SPAG16: variants seen among roughly 807,000 people sequenced by gnomAD.
SPAG16 encodes the protein sperm-associated antigen 16 protein.
In SPAG16, 86 loss-of-function variants were observed where a neutral mutation model predicts 80.4. The ratio of observed to expected loss-of-function variants is 1.07; its 90% CI spans 0.90 to 1.28. The LOEUF is 1.28. Ranked by LOEUF, SPAG16 falls within the 50% of genes most tolerant of loss-of-function variation. The pLI is 0.00. For synonymous variants in SPAG16, 294 were observed against 265.9 expected (o/e 1.11, Z -1.03); for missense variants, 870 against 765.3 (o/e 1.14, Z -1.61).
chr2:214,108,152 C>G, intron 13 of SPAG16, 44 bp from the exon 14 acceptor site: 9 of 1,465,274 alleles, frequency 6.1e-6, no homozygotes, highest in Non-Finnish European at 8.4e-6. Flanking sequence ...TTTTTACGTT[C>G]CAAAAGAAAT....
At chr2:213,776,016 TAAAG>T (rs1442967417) in intron 10 of SPAG16, among the ~76,000 whole-genome samples, 3 of 152,220 alleles carry the variant, frequency 2.0e-5, no homozygotes, top group Non-Finnish European at 4.4e-5. Flanking sequence ...GTAAACTAGA[TAAAG>T]AAAGCATTAT....
At chr2:214,270,637 T>C (rs1691920626) in intron 15 of SPAG16, among the ~76,000 whole-genome samples, 1 of 152,190 alleles carries the variant, frequency 6.6e-6, no homozygotes, top group East Asian at 1.9e-4. Context: ...ACTCCTAGAA[T>C]ATCTCAACTT....
chr2:214,111,884 C>G (rs2053683010), intron 14 of SPAG16, among the ~76,000 whole-genome samples: 1 of 152,036 alleles, frequency 6.6e-6, no homozygotes, highest in Admixed American at 6.6e-5. Flanking sequence ...CTTTTTATAA[C>G]TATTGTGAAT....
chr2:213,704,306 A>G (rs2065640499), intron 10 of SPAG16, among the ~76,000 whole-genome samples: 1 of 152,234 alleles, frequency 6.6e-6, no homozygotes, highest in Non-Finnish European at 1.5e-5. Flanking sequence ...GCCAAAGTTT[A>G]TTAAGTGTTC....
chr2:213,868,420 A>G (rs2075794533), intron 11 of SPAG16, among the ~76,000 whole-genome samples: 1 of 152,132 alleles, frequency 6.6e-6, no homozygotes, highest in Non-Finnish European at 1.5e-5. Context: ...TTTTTGTCCC[A>G]TTTAGACCAG....
At chr2:213,892,528 G>A (rs562281144) in intron 11 of SPAG16, among the ~76,000 whole-genome samples, 12 of 151,998 alleles carry the variant, frequency 7.9e-5, no homozygotes, top group Non-Finnish European at 1.6e-4. Context: ...ATTCAAAATG[G>A]TAGTTTTAAG....
At position 213,313,899 on chromosome 2, in the gene SPAG16, T is replaced by C. The variant is rs528303816; in HGVS notation, c.399-3320T>C. ...TGTGTTGGTAATGTATTTCCCTAAA[T>C]CTTTATGAAAACATGGAGGAAAAGT... is the stretch of plus-strand genomic sequence containing the variant. On this transcript the variant is annotated intron_variant, in intron 4 of 15. Transcript: ENST00000331683. Among the ~76,000 whole-genome samples the C allele has an allele frequency of 2.6e-5, 4 of 151,988 alleles. No individual in the cohort carries two copies. The South Asian group carries it at 6.2e-4, about 24-fold the overall frequency.
rs1490201901 is a variant in SPAG16, at chr2:213,777,998, A to G, written c.1071-84487A>G. Among the ~76,000 whole-genome samples the G allele has an allele frequency of 2.0e-5, 3 of 152,284 alleles. No individual in the cohort carries two copies. The South Asian group carries it at 6.2e-4, about 32-fold the overall frequency. ...CTTTTAGTTTTGCTCTTGAGATTAT[A>G]ATAAATTTCTTAGGAAAGGTGCTAG... On this transcript the variant is annotated intron_variant, in intron 10 of 15. Coordinates refer to ENST00000331683, the MANE Select transcript of SPAG16 (RefSeq NM_024532.5).
intron 13 of SPAG16, among the ~76,000 whole-genome samples, chr2:214,072,739 AAGT>A (rs1163825726): frequency 6.6e-6 from 1 of 152,172 alleles, no homozygotes; most frequent in Non-Finnish European, 1.5e-5. Context: ...TTATCAGAAA[AAGT>A]AGAAGACAAT....
intron 15 of SPAG16, among the ~76,000 whole-genome samples, chr2:214,396,532 C>G (rs1238295986): frequency 6.6e-6 from 1 of 151,988 alleles, no homozygotes; most frequent in Admixed American, 6.6e-5. Flanking sequence ...AGAAAATAAT[C>G]TAATAAGCCC....
At chr2:214,304,385 G>A (rs11904795) in intron 15 of SPAG16, among the ~76,000 whole-genome samples, 94,819 of 152,070 alleles carry the variant, frequency 0.62, 29,913 homozygotes, top group South Asian at 0.7. Context: ...ACTTAAAGGC[G>A]TTCTTAAACC....
intron 10 of SPAG16, among the ~76,000 whole-genome samples, chr2:213,695,788 G>T (rs1477719424): frequency 1.3e-5 from 2 of 152,170 alleles, no homozygotes; most frequent in Non-Finnish European, 2.9e-5. Context: ...CAATGCACAT[G>T]CAGTTGAACA....
intron 9 of SPAG16, among the ~76,000 whole-genome samples, chr2:213,434,654 G>C (rs1346362914): frequency 6.6e-6 from 1 of 152,116 alleles, no homozygotes; most frequent in Non-Finnish European, 1.5e-5. Flanking sequence ...CAAATAAATA[G>C]ATATTTTTCA....
At chr2:213,510,046 C>A (rs1038288023) in intron 10 of SPAG16, among the ~76,000 whole-genome samples, 40 of 152,060 alleles carry the variant, frequency 2.6e-4, no homozygotes, top group African/African-American at 9.7e-4. Context: ...CACCTCTACA[C>A]AAATAAACTA....
chr2:213,579,565 T>C (rs980862876), intron 10 of SPAG16, among the ~76,000 whole-genome samples: 1 of 152,150 alleles, frequency 6.6e-6, no homozygotes, highest in Non-Finnish European at 1.5e-5. Flanking sequence ...AGGTTGTAGA[T>C]AGGATCCATT....
At chr2:214,227,610 G>C (rs1025092464) in intron 15 of SPAG16, among the ~76,000 whole-genome samples, 11 of 151,394 alleles carry the variant, frequency 7.3e-5, no homozygotes, top group African/African-American at 2.7e-4. Flanking sequence ...TCTCTTTTCT[G>C]CCATAGATGG....
chr2:214,128,920 G>C (rs572289532), intron 14 of SPAG16, among the ~76,000 whole-genome samples: 2 of 151,824 alleles, frequency 1.3e-5, no homozygotes, highest in East Asian at 3.9e-4. Context: ...CTACTAAAGC[G>C]GGGAAGTACC....
intron 9 of SPAG16, among the ~76,000 whole-genome samples, chr2:213,434,126 G>C (rs1451910949): frequency 1.3e-5 from 2 of 151,792 alleles, no homozygotes; most frequent in African/African-American, 4.8e-5. Context: ...CACCATGTTG[G>C]TCAGGCTGGT....
At chr2:213,858,263 A>C (rs2075263843) in intron 10 of SPAG16, among the ~76,000 whole-genome samples, 1 of 152,184 alleles carries the variant, frequency 6.6e-6, no homozygotes, top group South Asian at 2.1e-4. Flanking sequence ...AATCTTTTTG[A>C]AATGAAAAGT....
Sources: gnomAD v4.1 joint callset for allele counts (sites outside exome capture counted in the v4.1 genomes callset) on GRCh38, gnomAD v4.1.1 for gene constraint, MANE v1.5 for transcripts, NCBI Gene and HGNC (gene_info 2026-07-23, HGNC 2026-07-21) for gene names.